HNF4G: variants seen among roughly 807,000 people sequenced by gnomAD.
The protein encoded by HNF4G is hepatocyte nuclear factor 4 gamma.
A neutral mutation model predicts 50.9 loss-of-function variants in HNF4G; 21 were observed. The observed-to-expected ratio is 0.41, with a 90% CI of 0.29 to 0.59. HNF4G has a LOEUF of 0.59. Among genes scored for constraint, HNF4G ranks in the 20% least tolerant of loss-of-function variants. The probability of loss-of-function intolerance (pLI) is 0.26; values close to 1 mark genes in which losing one functional copy is unlikely to be tolerated. For missense variants in HNF4G, 527 were observed against 559.4 expected, an observed-to-expected ratio of 0.94 and a Z score of 0.58; for synonymous variants, 198 against 185.6, an observed-to-expected ratio of 1.07 and a Z score of -0.54.
At chr8:75,455,771 C>T (rs67948007) in intron 1 of HNF4G, among the ~76,000 whole-genome samples, 25,241 of 151,776 alleles carry the variant, frequency 0.17, 2,246 homozygotes, top group African/African-American at 0.24. Flanking sequence ...TTTAAATAAC[C>T]GTAATGTACT....
chr8:75,537,767 A>C (rs1417415527), upstream of HNF4G, among the ~76,000 whole-genome samples: 1 of 152,148 alleles, frequency 6.6e-6, no homozygotes, highest in Non-Finnish European at 1.5e-5. Context: ...TATGAAAAAA[A>C]ATTTAGTAAA....
At chr8:75,508,766 T>C (rs1805670906) in intron 2 of HNF4G, among the ~76,000 whole-genome samples, 1 of 152,054 alleles carries the variant, frequency 6.6e-6, no homozygotes, top group African/African-American at 2.4e-5. Flanking sequence ...AGTTCATTAA[T>C]ATTGAAGGTT....
chr8:75,554,070 C>T (rs369587913), intron 5 of HNF4G, among the ~76,000 whole-genome samples: 6 of 151,892 alleles, frequency 4.0e-5, no homozygotes, highest in East Asian at 3.9e-4. Context: ...TTTAAGAGAG[C>T]GTTTCACCTG....
intron 1 of HNF4G, among the ~76,000 whole-genome samples, chr8:75,465,495 A>C (rs1242282577): frequency 7.2e-5 from 11 of 152,164 alleles, no homozygotes; most frequent in Admixed American, 7.2e-4. Context: ...AAAAATTAAA[A>C]TAAACAAATA....
rs533234056 is a variant in HNF4G, at chr8:75,448,543, G to A, written c.-144+40381G>A. Among the ~76,000 whole-genome samples, 204 of 144,354 alleles carry A rather than the reference G, an allele frequency of 1.4e-3. 2 individuals carry two copies. Among genetic ancestry groups the A allele is most frequent in the South Asian group, 8.0e-3 (36 of 4,526 alleles). 94.7% of individuals were successfully genotyped at this position (144,354 alleles called of 152,430 possible). ...AAAAAAGAAAACCTAATATTTATAC[G>A]TTTCTAATATAAGATTATATGATGT... is the stretch of plus-strand genomic sequence containing the variant. On this transcript the variant is annotated intron_variant, in intron 1 of 10. Coordinates refer to the HNF4G transcript ENST00000354370.
rs1321354116 is a variant in HNF4G at position 75,431,399 on chromosome 8, G to A, written c.-144+23237G>A. Among the ~76,000 whole-genome samples, 7 of 152,008 alleles carry A rather than the reference G, an allele frequency of 4.6e-5. No individual in the cohort carries two copies. In the South Asian group the frequency reaches 6.2e-4, roughly 14 times the overall value. On this transcript the variant is annotated intron_variant, in intron 1 of 10. Transcript: ENST00000354370. ...GTTAATTATGGTATAATCACAGAAC[G>A]GCTTGATATAGTGAAATCGCTGAAC...
intron 1 of HNF4G, among the ~76,000 whole-genome samples, chr8:75,467,257 T>C (rs2130622851): frequency 6.6e-6 from 1 of 152,338 alleles, no homozygotes; most frequent in East Asian, 1.9e-4. Context: ...GTGCTAAACA[T>C]TTTAGCAACA....
At chr8:75,441,129 C>A (rs1429771957) in intron 1 of HNF4G, among the ~76,000 whole-genome samples, 1 of 152,090 alleles carries the variant, frequency 6.6e-6, no homozygotes, top group Non-Finnish European at 1.5e-5. Context: ...TTCTATTGTG[C>A]ATGACTTGTA....
intron 2 of HNF4G, among the ~76,000 whole-genome samples, chr8:75,508,970 G>A (rs543018147): frequency 2.4e-4 from 36 of 152,252 alleles, no homozygotes; most frequent in South Asian, 6.2e-4. Context: ...TAAGAAAGAC[G>A]AACTGGAAGT....
intron 1 of HNF4G, among the ~76,000 whole-genome samples, chr8:75,449,674 T>A (rs1018601083): frequency 6.6e-6 from 1 of 151,416 alleles, no homozygotes; most frequent in African/African-American, 2.4e-5. Context: ...GCCAGGCTAA[T>A]TTTTTTGTAT....
intron 2 of HNF4G, among the ~76,000 whole-genome samples, chr8:75,498,941 A>T (rs1274279855): frequency 6.6e-6 from 1 of 152,108 alleles, no homozygotes; most frequent in Non-Finnish European, 1.5e-5. Flanking sequence ...AACATCAAAC[A>T]AATGCTGAAA....
chr8:75,532,293 G>A (rs780045508), intron 2 of HNF4G, among the ~76,000 whole-genome samples: 30 of 151,578 alleles, frequency 2.0e-4, no homozygotes, highest in East Asian at 5.8e-4. Context: ...TATCATTTTC[G>A]AAGATTTATA....
At chr8:75,463,799 A>G (rs1811907612) in intron 1 of HNF4G, among the ~76,000 whole-genome samples, 1 of 142,408 alleles carries the variant, frequency 7.0e-6, no homozygotes, top group Non-Finnish European at 1.5e-5. Flanking sequence ...TTTGAGACAG[A>G]ATTTTGTTCT....
chr8:75,409,750 G>T (rs927499638), intron 1 of HNF4G, among the ~76,000 whole-genome samples: 1 of 151,966 alleles, frequency 6.6e-6, no homozygotes, highest in African/African-American at 2.4e-5. Context: ...ACATCCCAAA[G>T]TGCTGGGATT....
chr8:75,438,016 T>C (rs990017003), intron 1 of HNF4G, among the ~76,000 whole-genome samples: 52 of 152,320 alleles, frequency 3.4e-4, no homozygotes, highest in African/African-American at 1.3e-3. Context: ...TCATAATATG[T>C]AATTAATAGA....
intron 2 of HNF4G, among the ~76,000 whole-genome samples, chr8:75,528,317 G>A (rs1033357116): frequency 2.6e-5 from 4 of 152,098 alleles, no homozygotes; most frequent in East Asian, 3.9e-4. Flanking sequence ...CTATAACATC[G>A]GAAAATATGA....
At chr8:75,468,676 A>T (rs1249382180) in intron 1 of HNF4G, among the ~76,000 whole-genome samples, 1 of 151,968 alleles carries the variant, frequency 6.6e-6, no homozygotes. Context: ...CCTGGGTGAC[A>T]GAGCGAGACT....
Position 75,459,168 on chromosome 8 carries a change from A to G in HNF4G, c.-143-30921A>G, listed in dbSNP as rs991525612. 2.0e-5 allele frequency among the ~76,000 whole-genome samples: 3 copies of G among 152,304 alleles called. No individual in the cohort carries two copies. In the East Asian group the frequency reaches 5.8e-4, roughly 29 times the overall value. ...TAATTCCTATTCCGTAGTAGGAAGG[A>G]ACTCTCTACTAGCTAGGTAAATAAC... On this transcript the variant is annotated intron_variant, in intron 1 of 10. Transcript: ENST00000354370.
chr8:75,500,051 G>C (rs992625502), intron 2 of HNF4G, among the ~76,000 whole-genome samples: 2 of 152,040 alleles, frequency 1.3e-5, no homozygotes, highest in African/African-American at 4.8e-5. Flanking sequence ...TAACCATTGT[G>C]CTTCAAAAGA....
Sources: allele counts gnomAD v4.1 joint callset (sites outside exome capture counted in the v4.1 genomes callset), GRCh38; gene constraint gnomAD v4.1.1; transcripts MANE v1.5; gene names NCBI Gene and HGNC (gene_info 2026-07-23, HGNC 2026-07-21).